The following FAM83E variants were observed in gnomAD, a reference collection of about 807,000 sequenced individuals.
The protein encoded by FAM83E is protein FAM83E.
In FAM83E, 29 loss-of-function variants were observed where a neutral mutation model predicts 34.3. The observed-to-expected ratio is 0.85, with a 90% CI of 0.63 to 1.15. FAM83E has a LOEUF of 1.15. FAM83E is among the 50% of genes most tolerant of loss of function. The pLI is 0.00. For synonymous variants in FAM83E, 312 were observed against 311.6 expected, an observed-to-expected ratio of 1.00 and a Z score of -0.01; for missense variants, 697 against 685.0, an observed-to-expected ratio of 1.02 and a Z score of -0.20.
chr19:48,613,729 C>T lies in FAM83E; in HGVS notation c.-357G>A, dbSNP rs905352799. 1.0e-6 allele frequency: 1 copy of T among 985,304 alleles called. No individual in the cohort carries two copies. The highest frequency in any genetic ancestry group is 1.7e-5 in the African/African-American group (1 of 57,234). 61.0% of individuals were successfully genotyped at this position (985,304 alleles called of 1,614,324 possible). ...CACCATCCCCAACTGTGTGACCCAT[C>T]AGCTGGCCATCTCTGCTCAGCCACA... On this transcript the variant is annotated 5_prime_UTR_variant, in exon 3 of 7. It removes the in-frame stop codon of an upstream open reading frame in the 5' UTR. Coordinates refer to ENST00000263266, the MANE Select transcript of FAM83E (RefSeq NM_017708.4).
chr19:48,612,454 A>G (rs1270042460), intron 3 of FAM83E, among the ~76,000 whole-genome samples: 2 of 150,006 alleles, frequency 1.3e-5, no homozygotes, highest in African/African-American at 2.5e-5. Context: ...GCCCAGGCTG[A>G]AGTGCAGTGG....
chr19:48,610,774 C>A lies in FAM83E; in HGVS notation c.539G>T (p.Arg180Leu), dbSNP rs753975901. 7.6e-6 allele frequency: 12 copies of A among 1,588,206 alleles called. No individual in the cohort carries two copies. Among genetic ancestry groups the A allele is most frequent in the African/African-American group, 1.3e-5 (1 of 74,368 alleles). The change falls in exon 4 of 7, where the codon CGC becomes CTC. Residue 180 changes from arginine to leucine, a missense_variant. By Grantham distance (102) the Arg-to-Leu change is moderately radical. Coordinates refer to ENST00000263266, the MANE Select transcript of FAM83E (RefSeq NM_017708.4). ...LLDLVDAATR[R>L]WVPVYLLLDR... ...CAGGAGCAGGTAGACAGGTACCCAG[C>A]GGCGCGTGGCAGCATCCACCAAGTC... is the stretch of plus-strand genomic sequence containing the variant.
In FAM83E at chr19:48,603,631, C is replaced by G; in HGVS notation, c.1039G>C (p.Gly347Arg). The G allele has an allele frequency of 7.1e-7, 1 of 1,398,646 alleles. No individual in the cohort carries two copies. The highest frequency in any genetic ancestry group is 9.3e-7 in the Non-Finnish European group (1 of 1,075,532). The allele number at this position is 1,398,646 out of a possible 1,614,324, so 86.6% of individuals were successfully genotyped here. The change falls in exon 6 of 7, where the codon GGG becomes CGG. Residue 347 changes from glycine (G) to arginine (R), a missense_variant. Physicochemically the swap from Gly to Arg is moderately radical, Grantham distance 125 (BLOSUM62 -2). Coordinates refer to ENST00000263266, the MANE Select transcript of FAM83E (RefSeq NM_017708.4). ...AACRVSPATP[G>R]PALSDILRSV... ...CTTAGAATGTCACTGAGTGCCGGCC[C>G]CGGGGTAGCAGGGGAGACGCGGCAG...
rs990984832 is a variant in FAM83E, at chr19:48,614,857, C to G, written c.-1387-18G>C. ...GCCTCGACCTGGAATCCAGGGAGCCCGGCCCCTTGTGTAAACACAGGAGGG... is the reference window on the plus strand; with the variant it reads ...GCCTCGACCTGGAATCCAGGGAGCCGGGCCCCTTGTGTAAACACAGGAGGG... On this transcript the variant is annotated intron_variant, in intron 1 of 6. Coordinates refer to ENST00000263266, the MANE Select transcript of FAM83E (RefSeq NM_017708.4). 3 of 954,896 alleles carry G rather than the reference C, an allele frequency of 3.1e-6. No individual in the cohort carries two copies. Among genetic ancestry groups the G allele is most frequent in the African/African-American group, 3.5e-5 (2 of 56,712 alleles). 59.2% of individuals were successfully genotyped at this position (954,896 alleles called of 1,614,324 possible). A position where few individuals can be genotyped will look rare whatever the true frequency, so the allele number is the denominator to read the frequency against.
Position 48,607,018 on chromosome 19 carries a change from C to T in FAM83E, c.758+2858G>A, listed in dbSNP as rs1336230530. Reference sequence around the variant, plus strand: ...GCTGCTGCTTCTGGTGATGGCTCTGCCCCCAGGCACGACGGGCGTCAAGGA... The same window carrying T: ...GCTGCTGCTTCTGGTGATGGCTCTGTCCCCAGGCACGACGGGCGTCAAGGA... On this transcript the variant is annotated intron_variant, in intron 5 of 6. Transcript: ENST00000263266. 6 of 1,610,660 alleles carry T rather than the reference C, an allele frequency of 3.7e-6. No homozygotes were observed. In the African/African-American group the frequency reaches 8.0e-5, roughly 21 times the overall value.
Position 48,603,798 on chromosome 19 carries a change from A to G in FAM83E, c.872T>C (p.Leu291Pro). 2 of 1,597,172 alleles carry G rather than the reference A, an allele frequency of 1.3e-6. No individual in the cohort carries two copies. Among genetic ancestry groups the G allele is most frequent in the Non-Finnish European group, 1.7e-6 (2 of 1,173,094 alleles). The change falls in exon 6 of 7, where the codon CTC becomes CCC. Residue 291 changes from leucine to proline, a missense_variant. Leu to Pro is a moderately conservative substitution (Grantham distance 98, BLOSUM62 -3). Coordinates refer to ENST00000263266, the MANE Select transcript of FAM83E (RefSeq NM_017708.4). ...GGGTTTCTGGGGGGGCGCAGGTGGGAGCGGGCAGGAGGCCGCGTACAGCGT... is the reference window on the plus strand; with the variant it reads ...GGGTTTCTGGGGGGGCGCAGGTGGGGGCGGGCAGGAGGCCGCGTACAGCGT... ...FRTLYAASCP[L>P]PPAPPQKPSV... is the part of the protein sequence containing the mutation.
chr19:48,614,685 T>TCCCCCCCACCCTCACCCAG, intron 2 of FAM83E, 23 bp downstream of exon 2: 5 of 251,614 alleles, frequency 2.0e-5, no homozygotes, highest in South Asian at 1.7e-4. Context: ...CCCTCACCCA[T>TCCCCCCCACCCTCACCCAG]CCCCCCCATC....
intron 5 of FAM83E, chr19:48,607,334 T>G (rs1440557958): frequency 6.3e-7 from 1 of 1,591,654 alleles, no homozygotes; most frequent in Non-Finnish European, 8.6e-7. Context: ...GGTATGCTGC[T>G]TCCTCCACGT....
intron 5 of FAM83E, chr19:48,606,688 G>T (rs1023711768): frequency 1.5e-5 from 7 of 457,698 alleles, no homozygotes; most frequent in East Asian, 3.7e-5. Flanking sequence ...TCTCACCTAT[G>T]ACCTCATCCC....
In FAM83E at chr19:48,600,179, A is replaced by G. The variant is rs745989842; in HGVS notation, c.*930T>C. 3.9e-5 allele frequency among the ~76,000 whole-genome samples: 6 copies of G among 152,074 alleles called. No individual in the cohort carries two copies. The highest frequency in any genetic ancestry group is 8.8e-5 in the Non-Finnish European group (6 of 68,020). ...TCCCCATCTTCCCCTCCACAGCTCT[A>G]GCAGCTCTAGCTCGGGGCCTCACCC... On this transcript the variant is annotated 3_prime_UTR_variant, in exon 7 of 7. Coordinates refer to ENST00000263266, the MANE Select transcript of FAM83E (RefSeq NM_017708.4).
In FAM83E at chr19:48,614,800, G is replaced by C. The variant is rs902261986; in HGVS notation, c.-1348C>G. ...GTGGCTCCCCGGCTTCTACTTCTGCGGTGCTTCCCGGCTTCTGGCCTCACT... is the reference window on the plus strand; with the variant it reads ...GTGGCTCCCCGGCTTCTACTTCTGCCGTGCTTCCCGGCTTCTGGCCTCACT... On this transcript the variant is annotated 5_prime_UTR_variant, in exon 2 of 7. Coordinates refer to ENST00000263266, the MANE Select transcript of FAM83E (RefSeq NM_017708.4). The C allele has an allele frequency of 9.1e-6, 9 of 983,650 alleles. No homozygotes were observed. The highest frequency in any genetic ancestry group is 1.1e-5 in the Non-Finnish European group (9 of 828,706). 60.9% of individuals were successfully genotyped at this position (983,650 alleles called of 1,614,324 possible).
At chr19:48,611,812 G>A (rs528022643) in intron 3 of FAM83E, among the ~76,000 whole-genome samples, 79 of 152,260 alleles carry the variant, frequency 5.2e-4, no homozygotes, top group Non-Finnish European at 7.8e-4. Flanking sequence ...CCTGAGCTGC[G>A]ACACTGCGGT....
Position 48,610,767 on chromosome 19 carries a change from T to G in FAM83E, c.546A>C (p.Val182=), listed in dbSNP as rs1222913209. The G allele has an allele frequency of 1.9e-6, 3 of 1,587,848 alleles. No individual in the cohort carries two copies. Among genetic ancestry groups the G allele is most frequent in the Non-Finnish European group, 2.6e-6 (3 of 1,167,444 alleles). ...DLVDAATRRW[V]PVYLLLDRQQ... ...GGCGGTCCAGGAGCAGGTAGACAGG[T>G]ACCCAGCGGCGCGTGGCAGCATCCA... The change falls in exon 4 of 7, where the codon GTA becomes GTC. Residue 182 remains valine (V), a synonymous_variant. Transcript: ENST00000263266.
In FAM83E at chr19:48,613,487, C is replaced by T. The variant is rs1601134589; in HGVS notation, c.-115G>A. On this transcript the variant is annotated 5_prime_UTR_variant, in exon 3 of 7. An upstream start codon of the reference 5' UTR is lost. Transcript: ENST00000263266. The stretch of plus-strand genomic sequence containing the variant: ...TCCTGATAGGCAGACCCTACGTGGC[C>T]ATCCGAGGCCTCCGGCGGGGCCCTG... The T allele has an allele frequency of 2.8e-6, 4 of 1,430,418 alleles. No individual in the cohort carries two copies. The highest frequency in any genetic ancestry group is 2.6e-4 in the Middle Eastern group (1 of 3,876). 88.6% of individuals were successfully genotyped at this position (1,430,418 alleles called of 1,614,324 possible).
At chr19:48,607,425 C>T (rs1973955161) in intron 5 of FAM83E, 45 of 1,490,798 alleles carry the variant, frequency 3.0e-5, no homozygotes, top group Non-Finnish European at 3.9e-5. Context: ...GTCCTTCCCC[C>T]ACTAAATGGC....
rs888683899 is a variant in FAM83E, at chr19:48,600,055, C to G, written c.*1054G>C. Reference sequence around the variant, plus strand: ...GCCCACAGAAAGTCCCACCACCCACCCTGTTCCCCTGTGGCTGTACCACAT... The same window carrying G: ...GCCCACAGAAAGTCCCACCACCCACGCTGTTCCCCTGTGGCTGTACCACAT... On this transcript the variant is annotated 3_prime_UTR_variant, in exon 7 of 7. Coordinates refer to ENST00000263266, the MANE Select transcript of FAM83E (RefSeq NM_017708.4). Among the ~76,000 whole-genome samples the G allele has an allele frequency of 2.6e-5, 4 of 152,208 alleles. No homozygotes were observed. The highest frequency in any genetic ancestry group is 5.9e-5 in the Non-Finnish European group (4 of 68,036).
rs1328295987 is a variant in FAM83E, at chr19:48,608,475, C to T, written c.758+1401G>A. On this transcript the variant is annotated intron_variant, in intron 5 of 6. Transcript: ENST00000263266. ...TTTTTTATTTTTTGAGACAGAGTCT[C>T]GCTCGGTCACCCAGGCTTTAGTGCA... Among the ~76,000 whole-genome samples, 13 of 138,118 alleles carry T rather than the reference C, an allele frequency of 9.4e-5. No homozygotes were observed. In the South Asian group the frequency reaches 2.6e-3, roughly 27 times the overall value. The allele number at this position is 138,118 out of a possible 152,430, so 90.6% of individuals were successfully genotyped here. A position where few individuals can be genotyped will look rare whatever the true frequency, so the allele number is the denominator to read the frequency against.
rs749433968 is a variant in FAM83E, at chr19:48,613,104, G to T, written c.269C>A (p.Thr90Asn). 1 of 1,610,632 alleles carries T rather than the reference G, an allele frequency of 6.2e-7. No individual in the cohort carries two copies. The highest frequency in any genetic ancestry group is 1.1e-5 in the South Asian group (1 of 90,846). ...EPSGMAEGAT[T>N]TDVDAGSLSY... ...CAGGCTGCCCGCGTCCACATCGGTG[G>T]TGGTGGCTCCCTCTGCCATCCCGCT... The change falls in exon 3 of 7, where the codon ACC becomes AAC. Residue 90 changes from threonine (T) to asparagine (N), a missense_variant. By Grantham distance (65) the Thr-to-Asn change is moderately conservative (BLOSUM62 0). Transcript: ENST00000263266.
rs764628391 is a variant in FAM83E, at chr19:48,613,066, C to T, written c.307G>A (p.Gly103Arg). The T allele has an allele frequency of 1.2e-6, 2 of 1,606,898 alleles. No homozygotes were observed. The highest frequency in any genetic ancestry group is 3.4e-5 in the Admixed American group (2 of 58,876). The change falls in exon 3 of 7, where the codon GGG (glycine) becomes AGG (arginine). Residue 103 changes from glycine (G) to arginine (R), a missense_variant. Physicochemically the swap from Gly to Arg is moderately radical, Grantham distance 125 (BLOSUM62 -2). Coordinates refer to ENST00000263266, the MANE Select transcript of FAM83E (RefSeq NM_017708.4). ...VDAGSLSYWP[G>R]QSEQPAPVLR... ...ACGGGCGCCGGCTGCTCCGACTGCC[C>T]AGGCCAGTAGCTCAGGCTGCCCGCG...
Sources: gnomAD v4.1 joint callset for allele counts (sites outside exome capture counted in the v4.1 genomes callset) on GRCh38, gnomAD v4.1.1 for gene constraint, MANE v1.5 for transcripts, NCBI Gene and HGNC (gene_info 2026-07-23, HGNC 2026-07-21) for gene names.